The following ARMC3 variants were observed in gnomAD, a reference collection of about 807,000 sequenced individuals.
The protein encoded by ARMC3 is armadillo repeat-containing protein 3.
A neutral mutation model predicts 90.3 loss-of-function variants in ARMC3; 74 were observed. The ratio of observed to expected loss-of-function variants is 0.82; its 90% CI spans 0.68 to 0.99. ARMC3 has a LOEUF of 0.99. Ranked by LOEUF, ARMC3 falls within the 50% of genes least tolerant of loss-of-function variation. The pLI is 0.00. For synonymous variants in ARMC3, 334 were observed against 361.8 expected, an observed-to-expected ratio of 0.92 and a Z score of 0.87; for missense variants, 958 against 1,042.8, an observed-to-expected ratio of 0.92 and a Z score of 1.12.
Position 22,950,231 on chromosome 10 carries a change from G to A in ARMC3, c.166+3970G>A, listed in dbSNP as rs528701945. ...GAGTGCTAGAAATGGCAACATATAT[G>A]TTTTGTTATTTGAATCACTTCAAAA... is the stretch of plus-strand genomic sequence containing the variant. On this transcript the variant is annotated intron_variant, in intron 3 of 18. Coordinates refer to ENST00000298032, the MANE Select transcript of ARMC3 (RefSeq NM_173081.5). Among the ~76,000 whole-genome samples, 49 of 152,106 alleles carry A rather than the reference G, an allele frequency of 3.2e-4. 1 individual carries two copies. The highest frequency in any genetic ancestry group is 9.8e-4 in the Admixed American group (15 of 15,278).
intron 18 of ARMC3, among the ~76,000 whole-genome samples, chr10:23,033,690 T>C (rs1839012211): frequency 6.6e-6 from 1 of 152,132 alleles, no homozygotes; most frequent in Admixed American, 6.5e-5. Flanking sequence ...TAACATCATT[T>C]TGAACCACTG....
At chr10:22,974,952 T>C (rs1237303191) in intron 8 of ARMC3, among the ~76,000 whole-genome samples, 1 of 152,172 alleles carries the variant, frequency 6.6e-6, no homozygotes, top group African/African-American at 2.4e-5. Flanking sequence ...GACTCTCTTT[T>C]TTAAGAATCA....
At chr10:22,989,613 A>G (rs903770763) in intron 10 of ARMC3, among the ~76,000 whole-genome samples, 1 of 152,182 alleles carries the variant, frequency 6.6e-6, no homozygotes, top group African/African-American at 2.4e-5. Flanking sequence ...TTTGTTTTGT[A>G]TTAAGGATGA....
At chr10:23,025,204 T>C (rs1838668900) in intron 16 of ARMC3, among the ~76,000 whole-genome samples, 1 of 151,920 alleles carries the variant, frequency 6.6e-6, no homozygotes, top group African/African-American at 2.4e-5. Context: ...AACTTCTAGG[T>C]GGAAAATTTG....
chr10:22,935,849 G>A (rs887102874), intron 2 of ARMC3, among the ~76,000 whole-genome samples: 6 of 152,016 alleles, frequency 3.9e-5, no homozygotes, highest in African/African-American at 1.5e-4. Context: ...AATTTTTCCG[G>A]ATGTCTAGAT....
chr10:22,931,499 T>G (rs758324738), intron 1 of ARMC3, among the ~76,000 whole-genome samples: 3 of 152,226 alleles, frequency 2.0e-5, no homozygotes, highest in Non-Finnish European at 4.4e-5. Context: ...ATGAGATCAT[T>G]ACTCCTAGGA....
intron 13 of ARMC3, 81 bp downstream of exon 13, chr10:23,003,495 C>T: frequency 3.7e-6 from 4 of 1,077,744 alleles, no homozygotes; most frequent in African/African-American, 1.6e-5. Context: ...ATTGCCATTT[C>T]ATCATCACCT....
intron 6 of ARMC3, chr10:22,961,646 A>ATT (rs1835197015): frequency 2.5e-6 from 1 of 404,698 alleles, no homozygotes; most frequent in Non-Finnish European, 4.4e-6. Context: ...AACAATAGAT[A>ATT]AAAGTCATAG....
intron 1 of ARMC3, among the ~76,000 whole-genome samples, chr10:22,929,614 C>T (rs1383586066): frequency 2.0e-5 from 3 of 152,122 alleles, no homozygotes; most frequent in Non-Finnish European, 4.4e-5. Flanking sequence ...ATGGGGTGAT[C>T]TCAGCTTATT....
chr10:23,034,684 A>C (rs1839055649), intron 18 of ARMC3, among the ~76,000 whole-genome samples: 1 of 152,104 alleles, frequency 6.6e-6, no homozygotes, highest in Admixed American at 6.6e-5. Flanking sequence ...CACTCTCTCA[A>C]TAAGGACGTT....
chr10:22,943,933 C>CA (rs60419884), intron 2 of ARMC3, among the ~76,000 whole-genome samples: 2,156 of 109,768 alleles, frequency 0.02, 15 homozygotes, highest in Middle Eastern at 0.042. Flanking sequence ...GACTCCATCT[C>CA]AAAAAAAAAA....
chr10:23,034,084 C>G (rs79554823), intron 18 of ARMC3, among the ~76,000 whole-genome samples: 1 of 152,108 alleles, frequency 6.6e-6, no homozygotes, highest in East Asian at 1.9e-4. Context: ...CAGTTCCAAG[C>G]GAATTCTATT....
intron 16 of ARMC3, chr10:23,014,326 C>G (rs1424520984): frequency 4.4e-6 from 6 of 1,378,134 alleles, no homozygotes; most frequent in Admixed American, 2.8e-5. Flanking sequence ...AATGTGCGTC[C>G]CTTCTCTCTT....
At chr10:22,974,005 A>G (rs1158179817) in intron 8 of ARMC3, among the ~76,000 whole-genome samples, 1 of 151,806 alleles carries the variant, frequency 6.6e-6, no homozygotes, top group Non-Finnish European at 1.5e-5. Flanking sequence ...TGATCCACCC[A>G]CCTCGGCCTC....
intron 16 of ARMC3, among the ~76,000 whole-genome samples, chr10:23,019,073 G>T (rs1838404343): frequency 6.6e-6 from 1 of 152,238 alleles, no homozygotes; most frequent in Non-Finnish European, 1.5e-5. Flanking sequence ...GGAAAGTAGA[G>T]AAAGTAAGCC....
chr10:23,038,258 G>A lies in ARMC3; in HGVS notation c.*779G>A, dbSNP rs187919952. On this transcript the variant is annotated 3_prime_UTR_variant, in exon 19 of 19. Transcript: ENST00000298032. Reference sequence around the variant, plus strand: ...CATAAAGGTAGAGCAAATCTTTGCTGAGGAATTGTGTTTTAGTATTGAGCA... The same window carrying A: ...CATAAAGGTAGAGCAAATCTTTGCTAAGGAATTGTGTTTTAGTATTGAGCA... 7.2e-5 allele frequency: 11 copies of A among 152,236 alleles called. No homozygotes were observed. The East Asian group carries it at 2.1e-3, about 29-fold the overall frequency. 9.4% of individuals were successfully genotyped at this position (152,236 alleles called of 1,614,324 possible). A position where few individuals can be genotyped will look rare whatever the true frequency, so the allele number is the denominator to read the frequency against.
intron 10 of ARMC3, among the ~76,000 whole-genome samples, chr10:22,990,678 G>T (rs541191974): frequency 6.6e-6 from 1 of 152,160 alleles, no homozygotes; most frequent in African/African-American, 2.4e-5. Context: ...GGTCTGTTCT[G>T]TAGGTCCCCA....
At position 22,968,489 on chromosome 10, in the gene ARMC3, C is replaced by T. The variant is rs761740326; in HGVS notation, c.916C>T (p.Pro306Ser). The change falls in exon 8 of 19, where the codon CCT becomes TCT. Residue 306 changes from proline (P) to serine (S), a missense_variant and splice_region_variant. Transcript: ENST00000298032. ...AGCCATTACTAAAGCAGCTTATGAT[C>T]GTATGTCTCATTTTATTTTATTTAT... ...AKAITKAAYDPENRKLFHEQE... is the reference protein window; with the variant it reads ...AKAITKAAYDSENRKLFHEQE... The T allele has an allele frequency of 3.7e-5, 58 of 1,565,978 alleles. No individual in the cohort carries two copies. The highest frequency in any genetic ancestry group is 3.4e-4 in the East Asian group (15 of 44,390).
chr10:22,955,811 G>A lies in ARMC3; in HGVS notation c.171G>A (p.Glu57=), dbSNP rs1460461766. Residue 57 remains glutamate (E), a synonymous_variant, in exon 4 of 19, where the codon GAG becomes GAA. Transcript: ENST00000298032. ...EAIYKFALKG[E]ENKTTLLELG... ...TTGTTTTACGTGTGATGTCAGGTGA[G>A]GAAAATAAAACAACCCTCCTTGAAC... The A allele has an allele frequency of 6.2e-7, 1 of 1,613,586 alleles. No individual in the cohort carries two copies. The highest frequency in any genetic ancestry group is 8.5e-7 in the Non-Finnish European group (1 of 1,179,736).
Sources: gnomAD v4.1 joint callset for allele counts (sites outside exome capture counted in the v4.1 genomes callset) on GRCh38, gnomAD v4.1.1 for gene constraint, MANE v1.5 for transcripts, NCBI Gene and HGNC (gene_info 2026-07-23, HGNC 2026-07-21) for gene names.